The following ATP7A variants were observed in gnomAD, a reference collection of about 807,000 sequenced individuals.
The protein encoded by ATP7A is ATPase copper transporting alpha.
ATP7A carries 7 observed loss-of-function variants against 83.5 expected under a neutral mutation model. The observed-to-expected ratio is 0.08, with a 90% confidence interval of 0.05 to 0.16. The LOEUF is 0.16. Among genes scored for constraint, ATP7A ranks in the 10% least tolerant of loss-of-function variants. The probability of loss-of-function intolerance (pLI) is 1.00; values close to 1 mark genes in which losing one functional copy is unlikely to be tolerated. For missense variants in ATP7A, 940 were observed against 1,120.8 expected, an observed-to-expected ratio of 0.84 and a Z score of 2.30; for synonymous variants, 354 against 395.2, an observed-to-expected ratio of 0.90 and a Z score of 1.24.
chrX:78,028,180 C>T (rs929775880), intron 14 of ATP7A, among the ~76,000 whole-genome samples: 10 of 108,152 alleles, frequency 9.2e-5, no homozygotes, highest in Non-Finnish European at 1.9e-4. Context: ...GCACCACCAT[C>T]CCTGGCTAAT....
intron 1 of ATP7A, among the ~76,000 whole-genome samples, chrX:77,913,576 A>G (rs1467017019): frequency 1.7e-4 from 19 of 112,137 alleles, no homozygotes; most frequent in African/African-American, 6.2e-4. Context: ...TTGGCAGGAA[A>G]AATATCAAAA....
chrX:78,016,021 C>T, intron 12 of ATP7A, 140 bp downstream of exon 12: 2 of 705,208 alleles, frequency 2.8e-6, no homozygotes, highest in South Asian at 5.4e-5. Flanking sequence ...AATCAATTTC[C>T]TCAGATTTAC....
At chrX:77,925,705 CATAT>C (rs1354855897) in intron 1 of ATP7A, among the ~76,000 whole-genome samples, 1 of 111,443 alleles carries the variant, frequency 9.0e-6, no homozygotes, top group Non-Finnish European at 1.9e-5. Context: ...TTCAAACTCA[CATAT>C]ACATTTTTAT....
chrX:77,998,451 TGAAAA>T (rs782422595), intron 4 of ATP7A, 22 bp from the exon 5 acceptor site: 2 of 1,196,451 alleles, frequency 1.7e-6, no homozygotes, highest in East Asian at 5.9e-5. Flanking sequence ...ATACTGCAAA[TGAAAA>T]GAATCTTTCC....
intron 1 of ATP7A, among the ~76,000 whole-genome samples, chrX:77,914,283 C>T (rs1816954291): frequency 9.0e-6 from 1 of 110,882 alleles, no homozygotes; most frequent in African/African-American, 3.3e-5. Flanking sequence ...TGGGGTCTTG[C>T]TCTGTCACCC....
chrX:78,046,537 A>T lies in ATP7A; in HGVS notation c.4470A>T (p.Gly1490=), dbSNP rs1283793761. The T allele has an allele frequency of 9.9e-6, 12 of 1,209,840 alleles. No individual in the cohort carries two copies. The highest frequency in any genetic ancestry group is 1.3e-5 in the Non-Finnish European group (12 of 895,287). ...SEPDKHSLLV[G]DFREDDDTAL Reference sequence around the variant, plus strand: ...CTGACAAGCACTCACTCCTGGTGGGAGACTTCAGGGAAGATGATGACACTG... The same window carrying T: ...CTGACAAGCACTCACTCCTGGTGGGTGACTTCAGGGAAGATGATGACACTG... The change falls in exon 23 of 23, where the codon GGA becomes GGT. Residue 1490 remains glycine, a synonymous_variant. Transcript: ENST00000341514.
chrX:78,031,629 A>T, intron 16 of ATP7A, 47 bp downstream of exon 16: 4 of 1,146,186 alleles, frequency 3.5e-6, no homozygotes, highest in Non-Finnish European at 4.8e-6. Context: ...CTCCTGTAGG[A>T]ATTCCCCGGA....
chrX:77,914,407 C>T (rs188460300), intron 1 of ATP7A, among the ~76,000 whole-genome samples: 1 of 110,702 alleles, frequency 9.0e-6, no homozygotes, highest in Non-Finnish European at 1.9e-5. Flanking sequence ...TGTGCCACCA[C>T]TCCCAGCTAA....
At chrX:77,980,192 A>G (rs1422601347) in intron 2 of ATP7A, among the ~76,000 whole-genome samples, 1 of 112,161 alleles carries the variant, frequency 8.9e-6, no homozygotes, top group Non-Finnish European at 1.9e-5. Flanking sequence ...TTCTCTTAAT[A>G]GAGACTATCC....
At chrX:78,017,023 C>T (rs1310691780) in intron 12 of ATP7A, among the ~76,000 whole-genome samples, 5 of 112,718 alleles carry the variant, frequency 4.4e-5, no homozygotes, top group African/African-American at 1.6e-4. Flanking sequence ...CCCTTCTGCA[C>T]TGCCCTAGCA....
rs782628250 is a variant in ATP7A at position 78,042,678 on chromosome X, G to T, written c.3895G>T (p.Val1299Leu). 1 of 1,210,133 alleles carries T rather than the reference G, an allele frequency of 8.3e-7. No individual in the cohort carries two copies. Among genetic ancestry groups the T allele is most frequent in the African/African-American group, 1.7e-5 (1 of 57,172 alleles). ...LQEEGKRVAM[V>L]GDGINDSPAL... ...AGAGGAGGGGAAACGGGTAGCAATG[G>T]TGGGAGATGGAATCAATGACTCCCC... The change falls in exon 20 of 23, where the codon GTG becomes TTG. Residue 1299 changes from valine to leucine, a missense_variant. Val to Leu is a conservative substitution (Grantham distance 32). Around this residue, in one of 3 missense-constraint regions of ATP7A, gnomAD observed 386 missense variants for 502.2 expected, o/e 0.77. Coordinates refer to ENST00000341514, the MANE Select transcript of ATP7A (RefSeq NM_000052.7).
intron 5 of ATP7A, among the ~76,000 whole-genome samples, chrX:78,002,400 C>T (rs2077746081): frequency 9.0e-6 from 1 of 110,553 alleles, no homozygotes; most frequent in Admixed American, 9.7e-5. Flanking sequence ...TTCTCTAGTA[C>T]TCTGTCTTAT....
intron 1 of ATP7A, among the ~76,000 whole-genome samples, chrX:77,958,184 T>C (rs1423093346): frequency 9.0e-6 from 1 of 111,325 alleles, no homozygotes; most frequent in African/African-American, 3.3e-5. Flanking sequence ...TCTCTTGCCA[T>C]GTGACATGCT....
At chrX:78,014,822 A>C in intron 11 of ATP7A, 69 bp downstream of exon 11, 2 of 788,243 alleles carry the variant, frequency 2.5e-6, no homozygotes, top group East Asian at 3.2e-5. Flanking sequence ...TATATACAGA[A>C]GTAGAAAAAG....
chrX:77,965,821 A>G (rs1437586330), intron 1 of ATP7A, among the ~76,000 whole-genome samples: 4 of 112,400 alleles, frequency 3.6e-5, no homozygotes, highest in Admixed American at 2.8e-4. Flanking sequence ...AAAGGGAATG[A>G]TGTACTGATA....
At chrX:77,958,127 T>C (rs2077455510) in intron 1 of ATP7A, among the ~76,000 whole-genome samples, 1 of 110,807 alleles carries the variant, frequency 9.0e-6, no homozygotes, top group African/African-American at 3.3e-5. Flanking sequence ...AGGAGAAATC[T>C]GGTTGTTTAA....
At chrX:77,938,393 G>T (rs1185995566) in intron 1 of ATP7A, among the ~76,000 whole-genome samples, 1 of 112,571 alleles carries the variant, frequency 8.9e-6, no homozygotes, top group Non-Finnish European at 1.9e-5. Flanking sequence ...TAAGTATCCT[G>T]AAATTTCAAG....
intron 1 of ATP7A, among the ~76,000 whole-genome samples, chrX:77,958,764 T>G (rs2077458992): frequency 9.1e-6 from 1 of 109,503 alleles, no homozygotes; most frequent in Non-Finnish European, 1.9e-5. Flanking sequence ...CTTCTTCAAT[T>G]TCTTTCATCA....
At position 78,030,380 on chromosome X, in the gene ATP7A, C is replaced by CCA. The variant is rs781822256; in HGVS notation, c.3111+938_3111+939dup. 6.1e-3 allele frequency among the ~76,000 whole-genome samples: 659 copies of CCA among 108,851 alleles called. 3 individuals carry two copies. Among genetic ancestry groups the CCA allele is most frequent in the Non-Finnish European group, 9.5e-3 (498 of 52,251 alleles). 94.5% of individuals were successfully genotyped at this position (108,851 alleles called of 115,157 possible). On this transcript the variant is annotated intron_variant, in intron 15 of 22. Transcript: ENST00000341514. ...GGGGTTGCAGTGAGCTGGGATCGCG[C>CCA]CACTGCACTCCAGCTTGGGCGACTG...
Sources: gnomAD v4.1 joint callset for allele counts (sites outside exome capture counted in the v4.1 genomes callset) on GRCh38, gnomAD v4.1.1 for gene constraint, gnomAD v4.1.1 regional missense constraint, MANE v1.5 for transcripts, NCBI Gene and HGNC (gene_info 2026-07-23, HGNC 2026-07-21) for gene names.